The following DIPK1A variants were observed in gnomAD, a reference collection of about 807,000 sequenced individuals.
The protein encoded by DIPK1A is divergent protein kinase domain 1A, also known as family with sequence similarity 69 member A.
A neutral mutation model predicts 40.8 loss-of-function variants in DIPK1A; 27 were observed. The ratio of observed to expected loss-of-function variants is 0.66; its 90% CI spans 0.49 to 0.91. The LOEUF is 0.91. Among genes scored for constraint, DIPK1A ranks in the 40% least tolerant of loss-of-function variants. The pLI, the probability that DIPK1A is intolerant of heterozygous loss-of-function variation, is 0.00. For synonymous variants in DIPK1A, 166 were observed against 171.3 expected, an observed-to-expected ratio of 0.97 and a Z score of 0.24; for missense variants, 412 against 505.7, an observed-to-expected ratio of 0.81 and a Z score of 1.78.
intron 2 of DIPK1A, among the ~76,000 whole-genome samples, chr1:92,875,647 G>A (rs1399420025): frequency 6.6e-6 from 1 of 150,894 alleles, no homozygotes; most frequent in Non-Finnish European, 1.5e-5. Flanking sequence ...AACCTGGGAG[G>A]CAGTTGCAGT....
rs1687498181 is a variant in DIPK1A, at chr1:92,844,172, G to A, written c.498C>T (p.Asn166=). The A allele has an allele frequency of 6.5e-7, 1 of 1,545,602 alleles. No homozygotes were observed. Among genetic ancestry groups the A allele is most frequent in the African/African-American group, 1.4e-5 (1 of 72,844 alleles). The change falls in exon 5 of 5, where the codon AAC becomes AAT. Residue 166 remains asparagine, a synonymous_variant. Coordinates refer to ENST00000370310, the MANE Select transcript of DIPK1A (RefSeq NM_001006605.5). ...LFKAKLGDQG[N]LSELVNLILT... is the part of the protein sequence containing the mutation. ...AGATGAGATTAACCAGTTCAGAGAG[G>A]TTTCCTTGGTCACCCAATTTTGCCT...
intron 1 of DIPK1A, among the ~76,000 whole-genome samples, chr1:92,935,132 C>G (rs1406687761): frequency 6.6e-6 from 1 of 152,178 alleles, no homozygotes; most frequent in Non-Finnish European, 1.5e-5. Flanking sequence ...CAGAATCATA[C>G]AGCTAGTTGG....
intron 1 of DIPK1A, among the ~76,000 whole-genome samples, chr1:92,891,120 A>G (rs1010473066): frequency 2.0e-5 from 3 of 152,130 alleles, no homozygotes; most frequent in Non-Finnish European, 4.4e-5. Flanking sequence ...TTCATGATAC[A>G]AAGTCTCTAA....
intron 2 of DIPK1A, among the ~76,000 whole-genome samples, chr1:92,852,957 G>A (rs748283407): frequency 5.3e-5 from 8 of 151,824 alleles, no homozygotes; most frequent in African/African-American, 1.7e-4. Flanking sequence ...TAGGAGGATC[G>A]CTTTAGCCTG....
intron 2 of DIPK1A, among the ~76,000 whole-genome samples, chr1:92,856,899 G>A (rs987195553): frequency 3.3e-5 from 5 of 152,250 alleles, no homozygotes; most frequent in Admixed American, 2.0e-4. Flanking sequence ...GGGTAAGAAC[G>A]TTAATGCCCC....
At chr1:92,925,467 G>A (rs1650452477) in intron 1 of DIPK1A, among the ~76,000 whole-genome samples, 1 of 152,186 alleles carries the variant, frequency 6.6e-6, no homozygotes, top group South Asian at 2.1e-4. Context: ...ACACATAAAA[G>A]ACTATTCAGT....
intron 1 of DIPK1A, among the ~76,000 whole-genome samples, chr1:92,941,966 G>A (rs1651167245): frequency 6.6e-6 from 1 of 151,352 alleles, no homozygotes; most frequent in Non-Finnish European, 1.5e-5. Flanking sequence ...CTCCAGCCTG[G>A]GTGACAGAGG....
intron 1 of DIPK1A, among the ~76,000 whole-genome samples, chr1:92,892,761 T>C (rs576368232): frequency 1.3e-5 from 2 of 152,068 alleles, no homozygotes; most frequent in East Asian, 3.9e-4. Context: ...AAAAAAAGAT[T>C]AGATGAATGG....
intron 2 of DIPK1A, among the ~76,000 whole-genome samples, chr1:92,875,408 T>C (rs1000266498): frequency 1.3e-5 from 2 of 152,134 alleles, no homozygotes; most frequent in African/African-American, 4.8e-5. Flanking sequence ...TGTTTTAATA[T>C]TCTTTATATT....
intron 1 of DIPK1A, among the ~76,000 whole-genome samples, chr1:92,904,602 CAACTGAGGGTA>C (rs1557478603): frequency 6.6e-6 from 1 of 152,048 alleles, no homozygotes; most frequent in African/African-American, 2.4e-5. Context: ...GAATAATAAT[CAACTGAGGGTA>C]AATGGGGTAT....
At chr1:92,899,823 G>C (rs1464510223) in intron 1 of DIPK1A, among the ~76,000 whole-genome samples, 2 of 152,060 alleles carry the variant, frequency 1.3e-5, no homozygotes, top group Non-Finnish European at 2.9e-5. Flanking sequence ...GGCTGGTCTA[G>C]TGGTGTTGAA....
downstream of DIPK1A, among the ~76,000 whole-genome samples, chr1:92,838,942 T>G (rs574000237): frequency 8.5e-5 from 13 of 152,168 alleles, no homozygotes; most frequent in Non-Finnish European, 1.2e-4. Flanking sequence ...TAATCACATC[T>G]CCACATTGAT....
At position 92,880,756 on chromosome 1, in the gene DIPK1A, G is replaced by C. The variant is rs892953099; in HGVS notation, c.55-4326C>G. 3.3e-5 allele frequency among the ~76,000 whole-genome samples: 5 copies of C among 152,210 alleles called. No individual in the cohort carries two copies. In the South Asian group the frequency reaches 6.2e-4, roughly 19 times the overall value. On this transcript the variant is annotated intron_variant, in intron 1 of 4. Transcript: ENST00000370310. ...GTGGTGGCGTGCACCTGTAATCCCA[G>C]CCACTTGGGAGGCTGGGACAGGAGA... is the stretch of plus-strand genomic sequence containing the variant.
intron 1 of DIPK1A, among the ~76,000 whole-genome samples, chr1:92,891,523 C>T (rs376015468): frequency 1.6e-4 from 24 of 152,020 alleles, no homozygotes; most frequent in Non-Finnish European, 2.5e-4. Flanking sequence ...TAAAAAATTT[C>T]GGGGTGGAGC....
Position 92,919,366 on chromosome 1 carries a change from G to A in DIPK1A, c.54+42010C>T, listed in dbSNP as rs114350364. Among the ~76,000 whole-genome samples, 739 of 152,228 alleles carry A rather than the reference G, an allele frequency of 4.9e-3. 4 individuals are homozygous for A. The highest frequency in any genetic ancestry group is 0.017 in the African/African-American group (715 of 41,540). Reference sequence around the variant, plus strand: ...CCACCGCTTGTATCATCATTCTACTGAACTTAATGCTGCAACAATACCAAA... The same window carrying A: ...CCACCGCTTGTATCATCATTCTACTAAACTTAATGCTGCAACAATACCAAA... On this transcript the variant is annotated intron_variant, in intron 1 of 4. Coordinates refer to ENST00000370310, the MANE Select transcript of DIPK1A (RefSeq NM_001006605.5).
intron 4 of DIPK1A, among the ~76,000 whole-genome samples, chr1:92,846,833 ATATATATATGTGTG>A (rs1396253272): frequency 1.3e-4 from 1 of 7,592 alleles, no homozygotes; most frequent in Non-Finnish European, 1.8e-4. Context: ...ATATATATAT[ATATATATATGTGTG>A]TATATATATA....
chr1:92,937,281 A>G (rs764667309), intron 1 of DIPK1A, among the ~76,000 whole-genome samples: 2 of 150,108 alleles, frequency 1.3e-5, no homozygotes, highest in Non-Finnish European at 3.0e-5. Flanking sequence ...GCCAACATGA[A>G]GCCCTGTCTC....
chr1:92,864,998 C>A (rs986144370), intron 2 of DIPK1A, among the ~76,000 whole-genome samples: 1 of 147,256 alleles, frequency 6.8e-6, no homozygotes, highest in Non-Finnish European at 1.5e-5. Context: ...GCTGAGATTG[C>A]GCCACTGCAC....
chr1:92,879,856 T>C (rs1181218453), intron 1 of DIPK1A, among the ~76,000 whole-genome samples: 1 of 152,158 alleles, frequency 6.6e-6, no homozygotes, highest in African/African-American at 2.4e-5. Flanking sequence ...CTGACCTTTT[T>C]ATTTATGCTG....
Sources: allele counts gnomAD v4.1 joint callset (sites outside exome capture counted in the v4.1 genomes callset), GRCh38; gene constraint gnomAD v4.1.1; transcripts MANE v1.5; gene names NCBI Gene and HGNC (gene_info 2026-07-23, HGNC 2026-07-21).